The following KCNIP4 variants were observed in gnomAD, a reference collection of about 807,000 sequenced individuals.
KCNIP4 encodes the protein potassium voltage-gated channel interacting protein 4.
Under a neutral mutation model 34.0 loss-of-function variants are expected in KCNIP4, and 12 were observed. That is an observed-to-expected ratio of 0.35 (90% CI 0.23 to 0.57). The LOEUF (loss-of-function observed/expected upper bound fraction) is 0.57, where lower values mean the gene tolerates loss of function less well. Among genes scored for constraint, KCNIP4 ranks in the 20% least tolerant of loss-of-function variants. The pLI is 0.83. For synonymous variants in KCNIP4, 124 were observed against 102.2 expected, an observed-to-expected ratio of 1.21 and a Z score of -1.29; for missense variants, 238 against 311.7, an observed-to-expected ratio of 0.76 and a Z score of 1.78.
intron 3 of KCNIP4, among the ~76,000 whole-genome samples, chr4:20,786,383 A>G (rs1711992036): frequency 2.0e-5 from 3 of 152,180 alleles, no homozygotes; most frequent in African/African-American, 7.2e-5. Flanking sequence ...ATAGAAGCCT[A>G]AACCTCAGCA....
chr4:21,883,449 T>G (rs1005805973), intron 1 of KCNIP4, among the ~76,000 whole-genome samples: 1 of 152,146 alleles, frequency 6.6e-6, no homozygotes, highest in African/African-American at 2.4e-5. Flanking sequence ...GTGTCTGGCC[T>G]AAAACATTTT....
intron 1 of KCNIP4, among the ~76,000 whole-genome samples, chr4:21,204,697 T>C (rs2163930): frequency 6.6e-6 from 1 of 152,150 alleles, no homozygotes; most frequent in Non-Finnish European, 1.5e-5. Flanking sequence ...TGATAAAGTA[T>C]ACATAAGCAG....
intron 1 of KCNIP4, among the ~76,000 whole-genome samples, chr4:21,518,164 G>A (rs1204875423): frequency 1.3e-5 from 2 of 151,964 alleles, no homozygotes. Context: ...TAAGATCAAG[G>A]GTAGTACACA....
In KCNIP4 at chr4:21,104,936, T is replaced by C. The variant is rs1163628579; in HGVS notation, c.62-222227A>G. 2.6e-5 allele frequency among the ~76,000 whole-genome samples: 4 copies of C among 151,662 alleles called. 1 individual carries two copies. The highest frequency in any genetic ancestry group is 9.8e-5 in the African/African-American group (4 of 40,940). On this transcript the variant is annotated intron_variant, in intron 1 of 8. Coordinates refer to ENST00000382152, the MANE Select transcript of KCNIP4 (RefSeq NM_025221.6). Reference sequence around the variant, plus strand: ...GTGGTATTCTTTCTGAGGACTCTGTTCTGTTCCATTGGTCTATATCTCTGT... The same window carrying C: ...GTGGTATTCTTTCTGAGGACTCTGTCCTGTTCCATTGGTCTATATCTCTGT...
chr4:21,550,776 G>C (rs1738516455), intron 1 of KCNIP4, among the ~76,000 whole-genome samples: 1 of 152,020 alleles, frequency 6.6e-6, no homozygotes, highest in Admixed American at 6.6e-5. Context: ...GAATCTTGAA[G>C]AAAGAAATTT....
chr4:21,697,820 G>T, intron 1 of KCNIP4: 1 of 222,162 alleles, frequency 4.5e-6, no homozygotes, highest in Non-Finnish European at 8.0e-6. Flanking sequence ...TGCGATGCCA[G>T]CTCATCAGTG....
At chr4:21,327,231 C>T (rs1296099062) in intron 1 of KCNIP4, among the ~76,000 whole-genome samples, 1 of 152,080 alleles carries the variant, frequency 6.6e-6, no homozygotes, top group African/African-American at 2.4e-5. Context: ...TCTTATAGGA[C>T]ATATGTGGTG....
intron 1 of KCNIP4, among the ~76,000 whole-genome samples, chr4:21,001,955 A>AG (rs5856595): frequency 0.65 from 99,011 of 151,972 alleles, 32,440 homozygotes; most frequent in Admixed American, 0.7. Context: ...TTTTGTTTCC[A>AG]GTAAGTTCAT....
chr4:21,895,060 G>C (rs1392233103), intron 1 of KCNIP4, among the ~76,000 whole-genome samples: 1 of 152,148 alleles, frequency 6.6e-6, no homozygotes, highest in Non-Finnish European at 1.5e-5. Context: ...CATCCATAGT[G>C]GGACTGCTGC....
chr4:21,651,063 C>G (rs1747445202), intron 1 of KCNIP4, among the ~76,000 whole-genome samples: 2 of 152,078 alleles, frequency 1.3e-5, no homozygotes, highest in South Asian at 4.2e-4. Context: ...TAAGGGCTAG[C>G]TTGTGTAGAT....
intron 1 of KCNIP4, among the ~76,000 whole-genome samples, chr4:21,050,353 G>A (rs1742813538): frequency 6.6e-6 from 1 of 152,046 alleles, no homozygotes; most frequent in Non-Finnish European, 1.5e-5. Flanking sequence ...AATAATTGGA[G>A]AGTAAATTTA....
intron 1 of KCNIP4, among the ~76,000 whole-genome samples, chr4:21,549,992 A>G (rs1056541445): frequency 6.6e-6 from 1 of 152,114 alleles, no homozygotes; most frequent in South Asian, 2.1e-4. Context: ...AAGCAAGCTG[A>G]CCACATGTCA....
intron 1 of KCNIP4, among the ~76,000 whole-genome samples, chr4:21,004,812 C>T (rs937689659): frequency 1.2e-4 from 18 of 152,032 alleles, no homozygotes; most frequent in African/African-American, 9.7e-5. Flanking sequence ...CACATGGAGA[C>T]GTTAGCTGCA....
chr4:21,382,560 A>C (rs921675917), intron 1 of KCNIP4, among the ~76,000 whole-genome samples: 4 of 151,996 alleles, frequency 2.6e-5, no homozygotes, highest in Non-Finnish European at 4.4e-5. Context: ...TTATTCAAAA[A>C]CATACATCAA....
intron 1 of KCNIP4, among the ~76,000 whole-genome samples, chr4:21,714,786 A>ACAT (rs778595133): frequency 2.2e-5 from 1 of 46,250 alleles, no homozygotes; most frequent in African/African-American, 1.3e-4. Context: ...TTTCCCTTTG[A>ACAT]TTATTTTATT....
At chr4:21,486,125 G>A (rs1731887244) in intron 1 of KCNIP4, among the ~76,000 whole-genome samples, 1 of 152,162 alleles carries the variant, frequency 6.6e-6, no homozygotes, top group Admixed American at 6.5e-5. Flanking sequence ...CAGAAAGTAA[G>A]CTGCATTTAT....
At chr4:20,785,998 C>G (rs1164435129) in intron 3 of KCNIP4, among the ~76,000 whole-genome samples, 1 of 152,082 alleles carries the variant, frequency 6.6e-6, no homozygotes, top group Non-Finnish European at 1.5e-5. Context: ...CACATGCACT[C>G]ATACGTTTAT....
chr4:21,590,971 A>G (rs1441227311), intron 1 of KCNIP4, among the ~76,000 whole-genome samples: 1 of 152,040 alleles, frequency 6.6e-6, no homozygotes, highest in East Asian at 1.9e-4. Flanking sequence ...TAATACTTAG[A>G]AATGGGTAAA....
At chr4:21,148,673 G>A (rs140042783) in intron 1 of KCNIP4, among the ~76,000 whole-genome samples, 1 of 150,534 alleles carries the variant, frequency 6.6e-6, no homozygotes, top group East Asian at 2.0e-4. Context: ...AATTCCAACT[G>A]TGATACTACA....
Sources: allele counts gnomAD v4.1 joint callset (sites outside exome capture counted in the v4.1 genomes callset), GRCh38; gene constraint gnomAD v4.1.1; transcripts MANE v1.5; gene names NCBI Gene and HGNC (gene_info 2026-07-23, HGNC 2026-07-21).